The following FSTL5 variants were observed in gnomAD, a reference collection of about 807,000 sequenced individuals.
FSTL5 encodes the protein follistatin like 5, also known as follistatin-related protein 5.
In FSTL5, 62 loss-of-function variants were observed where a neutral mutation model predicts 89.1. The observed-to-expected ratio is 0.70, with a 90% CI of 0.57 to 0.86. The LOEUF is 0.86. Ranked by LOEUF, FSTL5 falls within the 40% of genes least tolerant of loss-of-function variation. The pLI, the probability that FSTL5 is intolerant of heterozygous loss-of-function variation, is 0.00. For missense variants in FSTL5, 1,057 were observed against 1,001.6 expected (o/e 1.06, Z -0.75); for synonymous variants, 383 against 346.2 (o/e 1.11, Z -1.18).
At chr4:161,865,917 T>G (rs976239593) in intron 4 of FSTL5, among the ~76,000 whole-genome samples, 1 of 152,208 alleles carries the variant, frequency 6.6e-6, no homozygotes, top group Non-Finnish European at 1.5e-5. Context: ...CCTAGCCAGC[T>G]ATGTCAAAGA....
intron 12 of FSTL5, among the ~76,000 whole-genome samples, chr4:161,497,938 G>T (rs1292456094): frequency 1.3e-5 from 2 of 151,434 alleles, no homozygotes; most frequent in Non-Finnish European, 2.9e-5. Context: ...TACATAGTTT[G>T]CATATATAAT....
chr4:162,085,665 G>A (rs1342023743), intron 2 of FSTL5, among the ~76,000 whole-genome samples: 1 of 152,026 alleles, frequency 6.6e-6, no homozygotes, highest in African/African-American at 2.4e-5. Context: ...TATTGAGAGG[G>A]ATGTGAAAAA....
chr4:161,638,553 G>C (rs2126665157), intron 7 of FSTL5, among the ~76,000 whole-genome samples: 1 of 151,556 alleles, frequency 6.6e-6, no homozygotes, highest in East Asian at 1.9e-4. Context: ...ATTCACAGCT[G>C]AATTCTACCA....
At chr4:161,514,329 A>G (rs1165006700) in intron 10 of FSTL5, among the ~76,000 whole-genome samples, 1 of 152,108 alleles carries the variant, frequency 6.6e-6, no homozygotes. Flanking sequence ...AGTAACATGG[A>G]TGGAACCACA....
chr4:161,944,724 T>G (rs893264651), intron 3 of FSTL5, among the ~76,000 whole-genome samples: 1 of 151,870 alleles, frequency 6.6e-6, no homozygotes, highest in Non-Finnish European at 1.5e-5. Flanking sequence ...TTTAGCAAAA[T>G]AATACCTCTT....
chr4:161,419,123 A>G (rs1486352076), intron 15 of FSTL5, among the ~76,000 whole-genome samples: 1 of 152,150 alleles, frequency 6.6e-6, no homozygotes, highest in Non-Finnish European at 1.5e-5. Flanking sequence ...TAATACACAC[A>G]TACTCCCTTA....
chr4:161,928,474 G>A (rs1300089970), intron 3 of FSTL5, among the ~76,000 whole-genome samples: 1 of 151,662 alleles, frequency 6.6e-6, no homozygotes, highest in East Asian at 1.9e-4. Context: ...GTCATATTTA[G>A]TTTTATAAAA....
At chr4:161,600,976 G>A (rs1013993962) in intron 7 of FSTL5, among the ~76,000 whole-genome samples, 3 of 151,986 alleles carry the variant, frequency 2.0e-5, no homozygotes, top group Non-Finnish European at 4.4e-5. Flanking sequence ...ACAAGACACC[G>A]GCAATTATTC....
chr4:162,096,635 G>A (rs973998648), intron 2 of FSTL5, among the ~76,000 whole-genome samples: 3 of 151,830 alleles, frequency 2.0e-5, no homozygotes, highest in East Asian at 1.9e-4. Context: ...TCTACAACTC[G>A]ACTAATGTGT....
At chr4:161,390,277 C>T (rs1233373220) in intron 15 of FSTL5, among the ~76,000 whole-genome samples, 1 of 152,060 alleles carries the variant, frequency 6.6e-6, no homozygotes, top group East Asian at 1.9e-4. Context: ...CTAAAAGTCA[C>T]AGAAAATTTT....
chr4:161,647,437 T>C (rs1219463549), intron 7 of FSTL5, among the ~76,000 whole-genome samples: 2 of 152,148 alleles, frequency 1.3e-5, no homozygotes, highest in Non-Finnish European at 2.9e-5. Context: ...TTTAGTTTTG[T>C]TTCTTCTTTT....
At chr4:162,032,722 G>C (rs942380923) in intron 3 of FSTL5, 4 of 152,114 alleles carry the variant, frequency 2.6e-5, no homozygotes, top group Admixed American at 2.6e-4. Flanking sequence ...CCTCTGAAGT[G>C]TAACTACCCT....
chr4:161,652,561 C>T (rs1290216796), intron 7 of FSTL5, among the ~76,000 whole-genome samples: 1 of 151,988 alleles, frequency 6.6e-6, no homozygotes, highest in Non-Finnish European at 1.5e-5. Flanking sequence ...TTAACCCATC[C>T]TATTAAAGAA....
chr4:161,525,280 C>G (rs1380539608), intron 10 of FSTL5, among the ~76,000 whole-genome samples: 1 of 152,098 alleles, frequency 6.6e-6, no homozygotes, highest in East Asian at 1.9e-4. Flanking sequence ...TTTCTTTGTT[C>G]CTCAAGAAAC....
At chr4:162,018,450 G>A (rs1347746053) in intron 3 of FSTL5, among the ~76,000 whole-genome samples, 1 of 152,086 alleles carries the variant, frequency 6.6e-6, no homozygotes, top group Non-Finnish European at 1.5e-5. Flanking sequence ...ATAATACTTT[G>A]AATTTGTGAA....
chr4:161,531,059 T>A (rs558277661), intron 10 of FSTL5, among the ~76,000 whole-genome samples: 1 of 152,296 alleles, frequency 6.6e-6, no homozygotes, highest in African/African-American at 2.4e-5. Context: ...ATTTAAATCC[T>A]CCCTGTATGT....
intron 7 of FSTL5, among the ~76,000 whole-genome samples, chr4:161,602,091 A>C (rs1734263101): frequency 6.6e-6 from 1 of 152,028 alleles, no homozygotes; most frequent in African/African-American, 2.4e-5. Context: ...GAAATCCATG[A>C]ATGGTTGGGT....
At chr4:161,608,972 C>T (rs776314976) in intron 7 of FSTL5, among the ~76,000 whole-genome samples, 5 of 151,972 alleles carry the variant, frequency 3.3e-5, no homozygotes, top group Admixed American at 6.6e-5. Flanking sequence ...TCTCCTGTTG[C>T]ATAACATAAA....
intron 3 of FSTL5, among the ~76,000 whole-genome samples, chr4:161,987,539 T>C (rs1321964212): frequency 2.7e-5 from 4 of 147,268 alleles, no homozygotes; most frequent in African/African-American, 4.9e-5. Context: ...TTGAAATATA[T>C]ATAATGAAAG....
Sources: gnomAD v4.1 joint callset for allele counts (sites outside exome capture counted in the v4.1 genomes callset) on GRCh38, gnomAD v4.1.1 for gene constraint, MANE v1.5 for transcripts, NCBI Gene and HGNC (gene_info 2026-07-23, HGNC 2026-07-21) for gene names.